Variants in LINGO2 observed in about 807,000 individuals in gnomAD.
LINGO2 encodes leucine rich repeat and Ig domain containing 2.
In LINGO2, 14 loss-of-function variants were observed where a neutral mutation model predicts 30.6. That is an observed-to-expected ratio of 0.46 (90% CI 0.30 to 0.72). LINGO2 has a LOEUF of 0.72. Ranked by LOEUF, LINGO2 falls within the 30% of genes least tolerant of loss-of-function variation. The probability of loss-of-function intolerance (pLI) is 0.07; values close to 1 mark genes in which losing one functional copy is unlikely to be tolerated. For missense variants in LINGO2, 729 were observed against 751.7 expected (o/e 0.97, Z 0.35); for synonymous variants, 317 against 288.5 (o/e 1.10, Z -1.00).
chr9:28,752,120 G>A, the LINGO2 span, among the ~76,000 whole-genome samples: 1 of 152,042 alleles, frequency 6.6e-6, no homozygotes, highest in East Asian at 1.9e-4. Context: ...GACATGTATT[G>A]TTCAATACAT....
At chr9:28,854,557 T>C in the LINGO2 span, among the ~76,000 whole-genome samples, 4 of 151,982 alleles carry the variant, frequency 2.6e-5, no homozygotes, top group Admixed American at 1.3e-4. Context: ...TGAGCGTTAA[T>C]GGAAATGGGT....
chr9:29,164,180 A>G, the LINGO2 span, among the ~76,000 whole-genome samples: 8 of 152,020 alleles, frequency 5.3e-5, no homozygotes, highest in African/African-American at 1.9e-4. Context: ...ATAATGTGTC[A>G]ATCATGTGAG....
chr9:29,205,197 C>A, the LINGO2 span, among the ~76,000 whole-genome samples: 3 of 152,044 alleles, frequency 2.0e-5, no homozygotes, highest in Admixed American at 2.0e-4. Flanking sequence ...CACACCACCA[C>A]ACTCAGATAA....
chr9:29,163,183 T>A, the LINGO2 span, among the ~76,000 whole-genome samples: 1 of 152,196 alleles, frequency 6.6e-6, no homozygotes, highest in Non-Finnish European at 1.5e-5. Context: ...AAATGTCATC[T>A]TTGCCAGAAA....
At chr9:27,967,561 A>C (rs536342528) in intron 5 of LINGO2, among the ~76,000 whole-genome samples, 1 of 152,252 alleles carries the variant, frequency 6.6e-6, no homozygotes, top group African/African-American at 2.4e-5. Flanking sequence ...ATATGAATCT[A>C]GTATATATGC....
the LINGO2 span, among the ~76,000 whole-genome samples, chr9:28,789,093 T>G: frequency 6.6e-6 from 1 of 152,254 alleles, no homozygotes; most frequent in Admixed American, 6.5e-5. Flanking sequence ...GGTTTCAGAT[T>G]TTGGATAAAC....
At chr9:28,554,990 C>T (rs1341939180) in intron 1 of LINGO2, among the ~76,000 whole-genome samples, 153 of 132,358 alleles carry the variant, frequency 1.2e-3, no homozygotes, top group African/African-American at 4.5e-3. Context: ...GGGACGCATT[C>T]AAAGCAGTGT....
At chr9:28,123,718 C>A (rs1827162630) in intron 4 of LINGO2, among the ~76,000 whole-genome samples, 1 of 151,648 alleles carries the variant, frequency 6.6e-6, no homozygotes, top group Admixed American at 6.6e-5. Flanking sequence ...GGCTGGAGTG[C>A]AGCGGCGTGA....
the LINGO2 span, among the ~76,000 whole-genome samples, chr9:29,198,290 A>G: frequency 6.6e-6 from 1 of 152,156 alleles, no homozygotes; most frequent in South Asian, 2.1e-4. Context: ...TCTATGCAGA[A>G]CTTGTAAAAG....
At chr9:28,689,717 A>G in the LINGO2 span, among the ~76,000 whole-genome samples, 1 of 152,144 alleles carries the variant, frequency 6.6e-6, no homozygotes, top group Admixed American at 6.5e-5. Context: ...TATATACCCA[A>G]GGTAATATAA....
chr9:28,451,363 A>C (rs1486444381), intron 2 of LINGO2, among the ~76,000 whole-genome samples: 3 of 151,884 alleles, frequency 2.0e-5, no homozygotes, highest in Non-Finnish European at 4.4e-5. Context: ...GCTATAGTCT[A>C]ACACCAGGAA....
intron 3 of LINGO2, among the ~76,000 whole-genome samples, chr9:28,337,093 A>G (rs1429028498): frequency 6.7e-6 from 1 of 149,288 alleles, no homozygotes; most frequent in African/African-American, 2.4e-5. Flanking sequence ...ATAAAAGCAT[A>G]AATATTATAT....
At chr9:28,543,969 C>T (rs1264848391) in intron 1 of LINGO2, among the ~76,000 whole-genome samples, 1 of 151,922 alleles carries the variant, frequency 6.6e-6, no homozygotes, top group East Asian at 1.9e-4. Context: ...CTTTGGAAGG[C>T]CGAGGCAAGC....
chr9:28,494,024 T>C (rs1819482556), intron 1 of LINGO2, among the ~76,000 whole-genome samples: 1 of 152,146 alleles, frequency 6.6e-6, no homozygotes, highest in Admixed American at 6.5e-5. Flanking sequence ...CCCCTTTATA[T>C]ATACATCTAT....
At chr9:28,170,548 G>T (rs1013116924) in intron 4 of LINGO2, among the ~76,000 whole-genome samples, 1 of 152,206 alleles carries the variant, frequency 6.6e-6, no homozygotes, top group Non-Finnish European at 1.5e-5. Context: ...GGAATCAATG[G>T]TATATCAGCT....
In LINGO2 at chr9:28,348,919, C is replaced by T. The variant is rs1264238007; in HGVS notation, c.-246+23917G>A. ...CACCTCACATGGCAGGGTATTCCAA[C>T]AGACCTGCAGCTGAGGGTCCTGTCT... On this transcript the variant is annotated intron_variant, in intron 3 of 5. Coordinates refer to ENST00000379992, the Ensembl canonical transcript of LINGO2. Among the ~76,000 whole-genome samples, 20 of 151,638 alleles carry T rather than the reference C, an allele frequency of 1.3e-4. No individual in the cohort carries two copies. The East Asian group carries it at 3.5e-3, about 27-fold the overall frequency.
chr9:28,489,545 T>C (rs894865415), intron 1 of LINGO2, among the ~76,000 whole-genome samples: 1 of 152,136 alleles, frequency 6.6e-6, no homozygotes, highest in Non-Finnish European at 1.5e-5. Flanking sequence ...TTCTCTTGTC[T>C]GTTCTTGTAT....
intron 4 of LINGO2, among the ~76,000 whole-genome samples, chr9:28,038,177 C>A (rs79402341): frequency 6.6e-6 from 1 of 152,070 alleles, no homozygotes; most frequent in Non-Finnish European, 1.5e-5. Flanking sequence ...AGCAACCCAA[C>A]ATTTGTAATG....
the LINGO2 span, among the ~76,000 whole-genome samples, chr9:28,943,680 T>C: frequency 1.4e-5 from 2 of 147,346 alleles, no homozygotes; most frequent in African/African-American, 5.0e-5. Flanking sequence ...GCAAAACGAA[T>C]TGAAAAAAGT....
Sources: gnomAD v4.1 joint callset for allele counts (sites outside exome capture counted in the v4.1 genomes callset) on GRCh38, gnomAD v4.1.1 for gene constraint, MANE v1.5 for transcripts, NCBI Gene and HGNC (gene_info 2026-07-23, HGNC 2026-07-21) for gene names.